The following EIF2B1 variants were observed in gnomAD, a reference collection of about 807,000 sequenced individuals.
EIF2B1 encodes translation initiation factor eIF2B subunit alpha.
Under a neutral mutation model 36.8 loss-of-function variants are expected in EIF2B1, and 30 were observed. The ratio of observed to expected loss-of-function variants is 0.81; its 90% CI spans 0.61 to 1.10. The LOEUF is 1.10. Ranked by LOEUF, EIF2B1 falls within the 50% of genes least tolerant of loss-of-function variation. EIF2B1 has a pLI of 0.00. For missense variants in EIF2B1, 271 were observed against 374.8 expected (o/e 0.72, Z 2.29); for synonymous variants, 139 against 142.2 (o/e 0.98, Z 0.16).
At chr12:123,628,066 T>C (rs1955161607) in intron 4 of EIF2B1, among the ~76,000 whole-genome samples, 1 of 152,168 alleles carries the variant, frequency 6.6e-6, no homozygotes, top group East Asian at 1.9e-4. Context: ...TGTTTTCTTT[T>C]CTTTCTTGAG....
intron 6 of EIF2B1, chr12:123,626,185 T>C (rs1364548788): frequency 2.2e-5 from 12 of 549,638 alleles, no homozygotes; most frequent in Non-Finnish European, 3.9e-5. Flanking sequence ...AACTCAACAC[T>C]TACAGCCATA....
At position 123,620,627 on chromosome 12, in the gene EIF2B1, T is replaced by TATATATAA. The variant is rs1250251932; in HGVS notation, c.*1128_*1129insTTATATAT. The TATATATAA allele has an allele frequency of 1.7e-3, 174 of 99,794 alleles. 4 individuals are homozygous for TATATATAA. Among genetic ancestry groups the TATATATAA allele is most frequent in the Non-Finnish European group, 2.6e-3 (121 of 46,644 alleles). The allele number at this position is 99,794 out of a possible 1,614,324, so 6.2% of individuals were successfully genotyped here. On this transcript the variant is annotated 3_prime_UTR_variant, in exon 9 of 9. Transcript: ENST00000424014. ...ATATATATATATATATATATATATA[T>TATATATAA]AAGCTCTTTTTTCTGAGGCTATTTT...
chr12:123,623,238 G>A (rs1955121342), intron 7 of EIF2B1, among the ~76,000 whole-genome samples: 1 of 151,698 alleles, frequency 6.6e-6, no homozygotes, highest in Non-Finnish European at 1.5e-5. Context: ...AAAATTAGCT[G>A]GGCATGGTGG....
At chr12:123,631,681 G>A (rs550847110) in intron 2 of EIF2B1, among the ~76,000 whole-genome samples, 2 of 152,194 alleles carry the variant, frequency 1.3e-5, no homozygotes, top group Admixed American at 6.5e-5. Context: ...GGTGGCGGGC[G>A]CCTGTAGTCC....
intron 6 of EIF2B1, chr12:123,626,172 A>G: frequency 3.8e-6 from 2 of 524,568 alleles, no homozygotes; most frequent in Non-Finnish European, 6.9e-6. Flanking sequence ...AACAACAACA[A>G]CAAACTCAAC....
At chr12:123,628,779 G>A (rs570373486) in intron 4 of EIF2B1, among the ~76,000 whole-genome samples, 2 of 152,078 alleles carry the variant, frequency 1.3e-5, no homozygotes, top group African/African-American at 4.8e-5. Flanking sequence ...AGGCAGGTTC[G>A]TGGACCCTAG....
At position 123,624,921 on chromosome 12, in the gene EIF2B1, C is replaced by G. The variant is rs368862989; in HGVS notation, c.552-59G>C. ...TCTTGGCTCTAACGAGTAGCATCAT[C>G]ATCTGCAAAGATCAATATTCCATTT... On this transcript the variant is annotated intron_variant, in intron 6 of 8. Coordinates refer to ENST00000424014, the MANE Select transcript of EIF2B1 (RefSeq NM_001414.4). 52 of 1,443,600 alleles carry G rather than the reference C, an allele frequency of 3.6e-5. No homozygotes were observed. The African/African-American group carries it at 5.6e-4, about 16-fold the overall frequency. The allele number at this position is 1,443,600 out of a possible 1,614,324, so 89.4% of individuals were successfully genotyped here. A position where few individuals can be genotyped will look rare whatever the true frequency, so the allele number is the denominator to read the frequency against.
At position 123,630,358 on chromosome 12, in the gene EIF2B1, A is replaced by G; in HGVS notation, c.252+39T>C. 1 of 1,614,200 alleles carries G rather than the reference A, an allele frequency of 6.2e-7. No individual in the cohort carries two copies. On this transcript the variant is annotated intron_variant, in intron 3 of 8. Coordinates refer to ENST00000424014, the MANE Select transcript of EIF2B1 (RefSeq NM_001414.4). The surrounding 1 kb of genome is among the most constrained non-coding windows in gnomAD (Gnocchi z 4.6). ...GCTGAGAATGTCTGTCACTAAACAG[A>G]GAAGTGGAAAGGTAACCCCAGGGAG...
At position 123,620,580 on chromosome 12, in the gene EIF2B1, TTATATATATATATA is replaced by T. The variant is rs68169681; in HGVS notation, c.*1162_*1175del. 2.0e-3 allele frequency: 131 copies of T among 65,354 alleles called. No homozygotes were observed. The East Asian group carries it at 0.029, about 14-fold the overall frequency. The allele number at this position is 65,354 out of a possible 1,614,324, so 4.0% of individuals were successfully genotyped here. A position where few individuals can be genotyped will look rare whatever the true frequency, so the allele number is the denominator to read the frequency against. ...GGTCACATATAGACATATGTACATA[TTATATATATATATA>T]TATATATATATATATATATATATAT... On this transcript the variant is annotated 3_prime_UTR_variant, in exon 9 of 9. Coordinates refer to ENST00000424014, the MANE Select transcript of EIF2B1 (RefSeq NM_001414.4).
chr12:123,631,570 A>G (rs1035847787), intron 2 of EIF2B1, among the ~76,000 whole-genome samples: 5 of 152,092 alleles, frequency 3.3e-5, no homozygotes, highest in African/African-American at 9.7e-5. Flanking sequence ...GCACTTTGGG[A>G]GGCCGACATG....
chr12:123,627,896 C>G (rs1385590798), intron 4 of EIF2B1, among the ~76,000 whole-genome samples: 8 of 152,182 alleles, frequency 5.3e-5, no homozygotes, highest in Non-Finnish European at 8.8e-5. Context: ...TCAGCCCCAG[C>G]TGGCGTCATG....
In EIF2B1 at chr12:123,621,880, T is replaced by G; in HGVS notation, c.794A>C (p.Asp265Ala). Residue 265 changes from aspartate to alanine, a missense_variant, in exon 9 of 9, where the codon GAC (aspartate) becomes GCC (alanine). Transcript: ENST00000424014. ...DTLKVAQTGQ[D>A]LKEEHPWVDY... ...GACCCACGGATGCTCCTCTTTGAGG[T>G]CTTGTCCAGTCTGCGCGACCTTGAG... 2 of 1,614,018 alleles carry G rather than the reference T, an allele frequency of 1.2e-6. No homozygotes were observed. Among genetic ancestry groups the G allele is most frequent in the Non-Finnish European group, 1.7e-6 (2 of 1,180,014 alleles).
At chr12:123,629,408 C>T (rs550031772) in intron 4 of EIF2B1, among the ~76,000 whole-genome samples, 2 of 152,316 alleles carry the variant, frequency 1.3e-5, no homozygotes, top group Non-Finnish European at 2.9e-5. Context: ...AGAAAGTCCT[C>T]AGTGTTAACC....
intron 2 of EIF2B1, 67 bp downstream of exon 2, chr12:123,632,278 A>AG: frequency 9.1e-7 from 1 of 1,099,198 alleles, no homozygotes; most frequent in Non-Finnish European, 1.3e-6. Flanking sequence ...TTTAAAAAAA[A>AG]AAAAAAAGAA....
At chr12:123,622,515 TCCAAGTG>T in intron 8 of EIF2B1, 114 bp downstream of exon 8, 1 of 1,373,986 alleles carries the variant, frequency 7.3e-7, no homozygotes, top group Non-Finnish European at 1.0e-6. Context: ...ATCTTTGTAT[TCCAAGTG>T]TTGGGGAAAG....
At chr12:123,622,301 A>G (rs1955108545) in intron 8 of EIF2B1, among the ~76,000 whole-genome samples, 1 of 152,118 alleles carries the variant, frequency 6.6e-6, no homozygotes, top group Admixed American at 6.6e-5. Flanking sequence ...CAGACAAGAA[A>G]ACCGGTTCAG....
At chr12:123,621,995 T>G (rs1417137641) in intron 8 of EIF2B1, 75 bp from the exon 9 acceptor site, 4 of 1,576,082 alleles carry the variant, frequency 2.5e-6, no homozygotes, top group Non-Finnish European at 1.7e-6. Context: ...GTGTGAGTGA[T>G]CAGTGTGCTA....
intron 6 of EIF2B1, 116 bp from the exon 7 acceptor site, chr12:123,624,978 G>GTT: frequency 1.0e-6 from 1 of 963,732 alleles, no homozygotes; most frequent in Non-Finnish European, 1.6e-6. Context: ...ATAACTACCT[G>GTT]TTTTTTTTAA....
chr12:123,630,486 T>C lies in EIF2B1; in HGVS notation c.163A>G (p.Thr55Ala), dbSNP rs745623947. 6.2e-7 allele frequency: 1 copy of C among 1,613,596 alleles called. No individual in the cohort carries two copies. The highest frequency in any genetic ancestry group is 2.2e-5 in the East Asian group (1 of 44,868). Residue 55 changes from threonine (T) to alanine (A), a missense_variant, in exon 3 of 9, where the codon ACC becomes GCC. Physicochemically the swap from Thr to Ala is moderately conservative, Grantham distance 58. Transcript: ENST00000424014. This position sits in a 1 kb window ranked among gnomAD's most constrained non-coding sequence, Gnocchi z 4.6. ...LRANLTSAIE[T>A]LCGVDSSVAV... is the part of the protein sequence containing the mutation. ...ACAGAGGAGTCCACACCACACAGGGTTTCTATGGCACTGGTGAGATTCGCC... is the reference window on the plus strand; with the variant it reads ...ACAGAGGAGTCCACACCACACAGGGCTTCTATGGCACTGGTGAGATTCGCC...
Sources: allele counts gnomAD v4.1 joint callset (sites outside exome capture counted in the v4.1 genomes callset), GRCh38; gene constraint gnomAD v4.1.1; non-coding constraint Gnocchi (gnomAD v3.1); transcripts MANE v1.5; gene names NCBI Gene and HGNC (gene_info 2026-07-23, HGNC 2026-07-21).